Variants in HMGN3 observed in about 807,000 individuals in gnomAD.
HMGN3 encodes the protein high mobility group nucleosome-binding domain-containing protein 3.
A neutral mutation model predicts 18.8 loss-of-function variants in HMGN3; 6 were observed. The observed-to-expected ratio is 0.32, with a 90% CI of 0.18 to 0.63. HMGN3 has a LOEUF of 0.63. HMGN3 is among the 30% of genes least tolerant of loss of function. The probability of loss-of-function intolerance (pLI) is 0.79; values close to 1 mark genes in which losing one functional copy is unlikely to be tolerated. For synonymous variants in HMGN3, 40 were observed against 36.5 expected, an observed-to-expected ratio of 1.10 and a Z score of -0.35; for missense variants, 107 against 114.2, an observed-to-expected ratio of 0.94 and a Z score of 0.29.
intron 1 of HMGN3, among the ~76,000 whole-genome samples, chr6:79,230,334 G>A (rs1479548730): frequency 6.6e-6 from 1 of 152,166 alleles, no homozygotes; most frequent in Admixed American, 6.5e-5. Context: ...TGATGGAAAT[G>A]TTACAAAACT....
chr6:79,231,388 C>T (rs929519336), intron 1 of HMGN3, among the ~76,000 whole-genome samples: 5 of 152,138 alleles, frequency 3.3e-5, no homozygotes, highest in Non-Finnish European at 7.4e-5. Flanking sequence ...CCCTGTAATT[C>T]CACTCACCCA....
intron 2 of HMGN3, among the ~76,000 whole-genome samples, chr6:79,213,947 C>T (rs2322216): frequency 0.91 from 139,060 of 152,218 alleles, 64,012 homozygotes; most frequent in East Asian, 1. Flanking sequence ...CCTGTGCAAA[C>T]GGAATGGTTG....
At chr6:79,229,554 T>C (rs1328049899) in intron 1 of HMGN3, among the ~76,000 whole-genome samples, 1 of 152,192 alleles carries the variant, frequency 6.6e-6, no homozygotes, top group East Asian at 1.9e-4. Context: ...GCATGCACTT[T>C]GGAAAACAGT....
At chr6:79,229,162 G>C (rs1399289541) in intron 1 of HMGN3, among the ~76,000 whole-genome samples, 3 of 152,102 alleles carry the variant, frequency 2.0e-5, no homozygotes, top group Admixed American at 1.3e-4. Context: ...CCATAACCTT[G>C]AATTAGGCAA....
chr6:79,206,334 C>A (rs980524511), intron 3 of HMGN3, among the ~76,000 whole-genome samples: 1 of 152,118 alleles, frequency 6.6e-6, no homozygotes, highest in Non-Finnish European at 1.5e-5. Context: ...GAAAAAATGG[C>A]TTCGTGGGCC....
chr6:79,210,695 C>A (rs1271211347), intron 2 of HMGN3, among the ~76,000 whole-genome samples: 1 of 152,062 alleles, frequency 6.6e-6, no homozygotes, highest in African/African-American at 2.4e-5. Context: ...TGAAAAGGGT[C>A]CAAACATGTT....
chr6:79,234,637 C>G (rs1582462249), exon 1 of HMGN3: 1 of 1,479,616 alleles, frequency 6.8e-7, no homozygotes, highest in Non-Finnish European at 9.4e-7. Flanking sequence ...CTGCCTCTGC[C>G]TCTGCAGCTG....
chr6:79,215,973 C>T (rs1367038935), intron 1 of HMGN3, among the ~76,000 whole-genome samples: 1 of 152,148 alleles, frequency 6.6e-6, no homozygotes, highest in Non-Finnish European at 1.5e-5. Flanking sequence ...AGCAAACTGA[C>T]ATTTGACACG....
chr6:79,224,182 T>C (rs1212790334), intron 1 of HMGN3, among the ~76,000 whole-genome samples: 1 of 152,204 alleles, frequency 6.6e-6, no homozygotes, highest in Admixed American at 6.5e-5. Context: ...AGTCAGCTGG[T>C]AATCTTGCTG....
chr6:79,201,750 A>C (rs1387639765), intron 5 of HMGN3, 24 bp from the exon 7 acceptor site: 1 of 1,606,934 alleles, frequency 6.2e-7, no homozygotes, highest in Non-Finnish European at 8.5e-7. Flanking sequence ...AGGAAAAAAA[A>C]ACATATAGTT....
At chr6:79,232,898 G>A (rs979929191) in intron 1 of HMGN3, among the ~76,000 whole-genome samples, 1 of 152,126 alleles carries the variant, frequency 6.6e-6, no homozygotes, top group African/African-American at 2.4e-5. Flanking sequence ...TGCTGAAAAT[G>A]GTGACATCAC....
exon 6 of HMGN3, chr6:79,201,680 A>G: frequency 6.4e-7 from 1 of 1,563,476 alleles, no homozygotes; most frequent in Non-Finnish European, 8.8e-7. Context: ...CCAATTTTTC[A>G]TGACAATTCA....
At chr6:79,231,471 G>T (rs1777831865) in intron 1 of HMGN3, among the ~76,000 whole-genome samples, 1 of 152,128 alleles carries the variant, frequency 6.6e-6, no homozygotes, top group Admixed American at 6.5e-5. Context: ...AATATGCACT[G>T]AAGAACTCTT....
rs116103277 is a variant in HMGN3, at chr6:79,208,434, A to G, written c.96+113T>C. ...CATGAGGACCCTAGGTAATTTTCAA[A>G]AAGAAAATAAGCTCATGGGAAACCA... On this transcript the variant is annotated intron_variant, in intron 3 of 5. Transcript: ENST00000344726. 451 of 966,342 alleles carry G rather than the reference A, an allele frequency of 4.7e-4. 1 individual carries two copies. The African/African-American group carries it at 6.8e-3, about 14-fold the overall frequency. 59.9% of individuals were successfully genotyped at this position (966,342 alleles called of 1,614,324 possible). A position where few individuals can be genotyped will look rare whatever the true frequency, so the allele number is the denominator to read the frequency against.
At chr6:79,233,700 G>A (rs1777976968) in intron 1 of HMGN3, 1 of 152,310 alleles carries the variant, frequency 6.6e-6, no homozygotes, top group Admixed American at 6.5e-5. Flanking sequence ...GGCCTGCGCA[G>A]AAGAGGACAG....
chr6:79,213,841 G>T (rs1776820952), intron 2 of HMGN3, among the ~76,000 whole-genome samples: 1 of 152,162 alleles, frequency 6.6e-6, no homozygotes, highest in South Asian at 2.1e-4. Context: ...CCCAATCAAA[G>T]AACCTGTAAC....
intron 1 of HMGN3, among the ~76,000 whole-genome samples, chr6:79,216,694 T>C (rs1777001832): frequency 1.3e-5 from 2 of 152,226 alleles, no homozygotes; most frequent in Non-Finnish European, 2.9e-5. Context: ...ATTTCGTTTA[T>C]AGATCTTGTG....
chr6:79,223,548 A>G (rs1777411594), intron 1 of HMGN3, among the ~76,000 whole-genome samples: 1 of 151,932 alleles, frequency 6.6e-6, no homozygotes, highest in Non-Finnish European at 1.5e-5. Context: ...AAACACCCAC[A>G]AAAAACAATT....
At chr6:79,214,466 G>A (rs1246244577) in intron 2 of HMGN3, among the ~76,000 whole-genome samples, 1 of 152,164 alleles carries the variant, frequency 6.6e-6, no homozygotes. Context: ...CACCCAAAAT[G>A]CTGGGATTAC....
Sources: allele counts gnomAD v4.1 joint callset (sites outside exome capture counted in the v4.1 genomes callset), GRCh38; gene constraint gnomAD v4.1.1; transcripts MANE v1.5; gene names NCBI Gene and HGNC (gene_info 2026-07-23, HGNC 2026-07-21).